RBBP8: variants seen among roughly 807,000 people sequenced by gnomAD.
RBBP8 encodes the protein DNA endonuclease RBBP8.
RBBP8 carries 88 observed loss-of-function variants against 108.3 expected under a neutral mutation model. The observed-to-expected ratio is 0.81, with a 90% CI of 0.68 to 0.97. RBBP8 has a LOEUF of 0.97. Among genes scored for constraint, RBBP8 ranks in the 50% least tolerant of loss-of-function variants. RBBP8 has a pLI of 0.00. For missense variants in RBBP8, 1,023 were observed against 1,049.0 expected, an observed-to-expected ratio of 0.98 and a Z score of 0.34; for synonymous variants, 332 against 348.2, an observed-to-expected ratio of 0.95 and a Z score of 0.52.
chr18:22,972,508 G>A (rs1479863700), intron 5 of RBBP8, among the ~76,000 whole-genome samples: 3 of 150,792 alleles, frequency 2.0e-5, no homozygotes, highest in African/African-American at 4.9e-5. Context: ...CTGTCTCCTG[G>A]GTTCAAGCAA....
intron 6 of RBBP8, 94 bp from the exon 7 acceptor site, chr18:22,982,124 C>A: frequency 1.4e-6 from 2 of 1,379,976 alleles, no homozygotes; most frequent in Non-Finnish European, 2.0e-6. Flanking sequence ...TCCCTTAGAG[C>A]TTCATGTTTG....
chr18:22,937,165 AC>A, intron 2 of RBBP8: 1 of 1,083,484 alleles, frequency 9.2e-7, no homozygotes, highest in Non-Finnish European at 1.3e-6. Flanking sequence ...TGAGCATGGT[AC>A]CCCATAGGTA....
intron 15 of RBBP8, among the ~76,000 whole-genome samples, chr18:23,006,118 G>T (rs1431403546): frequency 2.0e-5 from 3 of 151,874 alleles, no homozygotes; most frequent in Non-Finnish European, 4.4e-5. Context: ...CCCGGGAGGT[G>T]GAGCTTGCAG....
chr18:22,950,406 C>T (rs1160046221), intron 4 of RBBP8, among the ~76,000 whole-genome samples: 5 of 152,036 alleles, frequency 3.3e-5, no homozygotes, highest in African/African-American at 9.7e-5. Context: ...ACAAACAAAG[C>T]GAGACCCTGT....
chr18:22,915,237 G>C (rs1428180558), intron 1 of RBBP8, among the ~76,000 whole-genome samples: 1 of 152,098 alleles, frequency 6.6e-6, no homozygotes, highest in Non-Finnish European at 1.5e-5. Flanking sequence ...GCTTTGAGCT[G>C]AGCAAGACTG....
chr18:22,983,493 G>A (rs879514964), intron 7 of RBBP8, among the ~76,000 whole-genome samples: 3 of 152,064 alleles, frequency 2.0e-5, no homozygotes, highest in East Asian at 1.9e-4. Flanking sequence ...ATGAATATCC[G>A]TTGACCTTTT....
rs548897878 is a variant in RBBP8, at chr18:22,958,293, G to A, written c.248+8580G>A. Among the ~76,000 whole-genome samples the A allele has an allele frequency of 5.9e-5, 9 of 152,264 alleles. No individual in the cohort carries two copies. The South Asian group carries it at 1.4e-3, about 25-fold the overall frequency. On this transcript the variant is annotated intron_variant, in intron 4 of 18. Coordinates refer to ENST00000327155, the MANE Select transcript of RBBP8 (RefSeq NM_002894.3). Reference sequence around the variant, plus strand: ...CAGAGCTAGGATTGCATTTCTTTACGTATCTGATGTCATGGCCTTTCTGCC... The same window carrying A: ...CAGAGCTAGGATTGCATTTCTTTACATATCTGATGTCATGGCCTTTCTGCC...
At chr18:22,961,219 A>G (rs1913075011) in intron 4 of RBBP8, among the ~76,000 whole-genome samples, 1 of 152,260 alleles carries the variant, frequency 6.6e-6, no homozygotes, top group African/African-American at 2.4e-5. Flanking sequence ...ATCAGCATCA[A>G]TATCAGATGC....
At chr18:22,962,486 C>T (rs566519633) in intron 4 of RBBP8, among the ~76,000 whole-genome samples, 12 of 152,246 alleles carry the variant, frequency 7.9e-5, no homozygotes, top group Non-Finnish European at 1.5e-4. Context: ...AGTTCCCCAA[C>T]CTAACTGGAT....
upstream of RBBP8, among the ~76,000 whole-genome samples, chr18:22,931,940 G>A (rs894078354): frequency 2.6e-5 from 4 of 152,296 alleles, no homozygotes; most frequent in African/African-American, 4.8e-5. Flanking sequence ...GGTTGGTAGC[G>A]TGGATGTGGA....
chr18:22,922,319 AT>A lies in RBBP8; in HGVS notation c.-154+5294del, dbSNP rs950179536. Reference sequence around the variant, plus strand: ...TAACTAAATGTGAGTTTAAAAAAAAATAACACTATCTCCTTAGAAGTTAGGT... The same window carrying A: ...TAACTAAATGTGAGTTTAAAAAAAAAAACACTATCTCCTTAGAAGTTAGGT... On this transcript the variant is annotated intron_variant, in intron 3 of 4. Coordinates refer to the RBBP8 transcript ENST00000577588. Among the ~76,000 whole-genome samples the A allele has an allele frequency of 2.8e-4, 43 of 152,324 alleles. 1 individual carries two copies. The highest frequency in any genetic ancestry group is 2.3e-3 in the East Asian group (12 of 5,194).
chr18:22,945,614 C>T (rs1911492995), intron 2 of RBBP8, among the ~76,000 whole-genome samples: 1 of 152,066 alleles, frequency 6.6e-6, no homozygotes, highest in Non-Finnish European at 1.5e-5. Context: ...GAACTCTTGA[C>T]CTCGGGTGAT....
Position 22,989,244 on chromosome 18 carries a change from A to G in RBBP8, c.733A>G (p.Thr245Ala). ...MAKAHGTSSYTPDKSSFNLAT... is the reference protein window; with the variant it reads ...MAKAHGTSSYAPDKSSFNLAT... Reference sequence around the variant, plus strand: ...AGAAGCACATGGAACAAGCAGCTATACCCCTGATAAGTCATCTTTTAATTT... The same window carrying G: ...AGAAGCACATGGAACAAGCAGCTATGCCCCTGATAAGTCATCTTTTAATTT... The change falls in exon 9 of 19, where the codon ACC becomes GCC. Residue 245 changes from threonine (T) to alanine (A), a missense_variant. Physicochemically the swap from Thr to Ala is moderately conservative, Grantham distance 58. Coordinates refer to ENST00000327155, the MANE Select transcript of RBBP8 (RefSeq NM_002894.3). 3 of 1,609,924 alleles carry G rather than the reference A, an allele frequency of 1.9e-6. No individual in the cohort carries two copies. The highest frequency in any genetic ancestry group is 2.5e-6 in the Non-Finnish European group (3 of 1,176,604).
At chr18:22,978,242 G>A (rs1194506005) in intron 6 of RBBP8, among the ~76,000 whole-genome samples, 1 of 152,144 alleles carries the variant, frequency 6.6e-6, no homozygotes, top group Non-Finnish European at 1.5e-5. Flanking sequence ...AAACAGTTTT[G>A]ACAGGAGTTT....
intron 14 of RBBP8, among the ~76,000 whole-genome samples, chr18:22,998,042 C>T (rs1055285671): frequency 6.6e-6 from 1 of 152,166 alleles, no homozygotes; most frequent in African/African-American, 2.4e-5. Flanking sequence ...ATGTATTGCC[C>T]ATCGCTGTTT....
At chr18:22,925,499 A>G (rs562098092) in intron 3 of RBBP8, among the ~76,000 whole-genome samples, 49 of 152,368 alleles carry the variant, frequency 3.2e-4, no homozygotes, top group African/African-American at 1.1e-3. Flanking sequence ...TAGAATAAAG[A>G]CCAAAAAAAG....
chr18:23,007,988 A>G (rs1217244230), intron 16 of RBBP8, among the ~76,000 whole-genome samples: 2 of 151,626 alleles, frequency 1.3e-5, no homozygotes, highest in Non-Finnish European at 2.9e-5. Context: ...AATTTTTTGT[A>G]TTTTTAGTAG....
intron 18 of RBBP8, among the ~76,000 whole-genome samples, chr18:23,023,869 C>T (rs1169424208): frequency 9.3e-5 from 8 of 86,116 alleles, no homozygotes; most frequent in Admixed American, 3.6e-4. Context: ...ATGAAGGGGC[C>T]TTTTTTTTTT....
At chr18:22,942,446 A>G (rs1467512958) in intron 2 of RBBP8, among the ~76,000 whole-genome samples, 1 of 152,106 alleles carries the variant, frequency 6.6e-6, no homozygotes, top group East Asian at 1.9e-4. Flanking sequence ...AAACTAGGCA[A>G]GAATAGACAA....
Sources: gnomAD v4.1 joint callset for allele counts (sites outside exome capture counted in the v4.1 genomes callset) on GRCh38, gnomAD v4.1.1 for gene constraint, MANE v1.5 for transcripts, NCBI Gene and HGNC (gene_info 2026-07-23, HGNC 2026-07-21) for gene names.